ENPEP: variants seen among roughly 807,000 people sequenced by gnomAD.
ENPEP encodes AP-A.
ENPEP carries 103 observed loss-of-function variants against 114.5 expected under a neutral mutation model. The observed-to-expected ratio is 0.90, with a 90% CI of 0.77 to 1.06. The LOEUF is 1.06. ENPEP is among the 50% of genes least tolerant of loss of function. ENPEP has a pLI of 0.00. For missense variants in ENPEP, 1,196 were observed against 1,161.3 expected (o/e 1.03, Z -0.43); for synonymous variants, 420 against 422.0 (o/e 1.00, Z 0.06).
At chr4:110,521,147 T>G (rs1373709232) in intron 10 of ENPEP, among the ~76,000 whole-genome samples, 1 of 152,118 alleles carries the variant, frequency 6.6e-6, no homozygotes, top group Non-Finnish European at 1.5e-5. Flanking sequence ...CAGAGAAACT[T>G]ACTTCAAAAA....
intron 8 of ENPEP, 77 bp downstream of exon 8, chr4:110,515,519 TA>T: frequency 8.6e-7 from 1 of 1,160,212 alleles, no homozygotes. Flanking sequence ...GATATGTGAT[TA>T]ATCAAGGATA....
At chr4:110,510,504 C>G (rs1725534612) in intron 6 of ENPEP, 146 bp downstream of exon 6, 1 of 634,768 alleles carries the variant, frequency 1.6e-6, no homozygotes, top group South Asian at 2.0e-5. Flanking sequence ...GTGGAGCCAG[C>G]TGACTTCCAC....
At chr4:110,486,181 T>C (rs1213339781) in intron 1 of ENPEP, among the ~76,000 whole-genome samples, 2 of 152,232 alleles carry the variant, frequency 1.3e-5, no homozygotes, top group Non-Finnish European at 2.9e-5. Flanking sequence ...TTTTAAAAAA[T>C]CAGAGTAAGG....
At chr4:110,482,566 T>G (rs781386619) in intron 1 of ENPEP, among the ~76,000 whole-genome samples, 1 of 151,966 alleles carries the variant, frequency 6.6e-6, no homozygotes, top group South Asian at 2.1e-4. Context: ...TGTGTGTGTG[T>G]AATGTATTCT....
chr4:110,488,106 G>A (rs1724568267), intron 1 of ENPEP, among the ~76,000 whole-genome samples: 1 of 152,184 alleles, frequency 6.6e-6, no homozygotes. Flanking sequence ...GAAGACAGCT[G>A]TTCACTTCCC....
At position 110,493,016 on chromosome 4, in the gene ENPEP, C is replaced by T. The variant is rs142481523; in HGVS notation, c.918+1852C>T. ...GCAATTGTACTAAAGATGACAAAGT[C>T]TCATAGGTAAGAACAATGCATTTAA... On this transcript the variant is annotated intron_variant, in intron 3 of 19. Transcript: ENST00000265162. Among the ~76,000 whole-genome samples, 281 of 152,270 alleles carry T rather than the reference C, an allele frequency of 1.8e-3. 1 individual carries two copies. The highest frequency in any genetic ancestry group is 6.5e-3 in the African/African-American group (270 of 41,556).
intron 1 of ENPEP, among the ~76,000 whole-genome samples, chr4:110,482,288 C>A (rs1578389136): frequency 1.3e-5 from 2 of 152,274 alleles, no homozygotes; most frequent in South Asian, 2.1e-4. Context: ...TTGACGATTG[C>A]TTGACTATGA....
chr4:110,484,466 G>A (rs1724427351), intron 1 of ENPEP, among the ~76,000 whole-genome samples: 1 of 151,964 alleles, frequency 6.6e-6, no homozygotes, highest in African/African-American at 2.4e-5. Context: ...TCGGGTTGAT[G>A]AATGTCACTG....
intron 3 of ENPEP, among the ~76,000 whole-genome samples, chr4:110,492,258 A>T (rs1159387647): frequency 2.0e-5 from 3 of 152,236 alleles, no homozygotes; most frequent in African/African-American, 7.2e-5. Context: ...TAATAAATTT[A>T]GGCTATTTAT....
chr4:110,497,453 TA>T (rs934043845), intron 3 of ENPEP, among the ~76,000 whole-genome samples: 11 of 152,106 alleles, frequency 7.2e-5, no homozygotes, highest in African/African-American at 2.7e-4. Flanking sequence ...AACAAAATAA[TA>T]AAAATAATGT....
chr4:110,490,430 T>C (rs185752784), intron 2 of ENPEP, among the ~76,000 whole-genome samples: 1 of 152,190 alleles, frequency 6.6e-6, no homozygotes, highest in Non-Finnish European at 1.5e-5. Flanking sequence ...CAAGTATTCG[T>C]GGTTGAAGTG....
chr4:110,490,023 A>G (rs1321493523), intron 2 of ENPEP, among the ~76,000 whole-genome samples: 1 of 152,222 alleles, frequency 6.6e-6, no homozygotes, highest in East Asian at 1.9e-4. Context: ...TGGAGAAGAA[A>G]GAGGAAAGGA....
intron 11 of ENPEP, among the ~76,000 whole-genome samples, chr4:110,536,523 T>C (rs1726633947): frequency 6.6e-6 from 1 of 152,200 alleles, no homozygotes; most frequent in East Asian, 1.9e-4. Context: ...AATCATGTCC[T>C]GCAAGGAAGG....
At chr4:110,557,410 G>A (rs1481954978) in intron 18 of ENPEP, among the ~76,000 whole-genome samples, 1 of 152,206 alleles carries the variant, frequency 6.6e-6, no homozygotes, top group Non-Finnish European at 1.5e-5. Context: ...ATGGCTTGGA[G>A]GAGTCAGGTA....
intron 3 of ENPEP, among the ~76,000 whole-genome samples, chr4:110,497,719 T>C (rs1724996037): frequency 6.6e-6 from 1 of 152,120 alleles, no homozygotes; most frequent in Admixed American, 6.5e-5. Flanking sequence ...AAAAAGGTGT[T>C]TTTTCACCTA....
Position 110,563,384 on chromosome 4 carries a change from A to G in ENPEP, c.*1826A>G, listed in dbSNP as rs1329346293. ...TCCTTTTGTTGTTCTATTTCATTCT[A>G]TTTTAAGCATTAAAACTGAGAACAA... On this transcript the variant is annotated 3_prime_UTR_variant, in exon 20 of 20. Transcript: ENST00000265162. The G allele has an allele frequency of 6.6e-6, 1 of 152,142 alleles. No individual in the cohort carries two copies. Among genetic ancestry groups the G allele is most frequent in the Non-Finnish European group, 1.5e-5 (1 of 67,988 alleles). 9.4% of individuals were successfully genotyped at this position (152,142 alleles called of 1,614,324 possible).
At chr4:110,477,140 T>C (rs535773897) in intron 1 of ENPEP, 82 bp downstream of exon 1, 1 of 1,490,956 alleles carries the variant, frequency 6.7e-7, no homozygotes, top group East Asian at 2.3e-5. Context: ...CACTTTCCGC[T>C]TTTAATTATT....
At position 110,513,530 on chromosome 4, in the gene ENPEP, A is replaced by T; in HGVS notation, c.1424A>T (p.Asp475Val). 1 of 1,613,178 alleles carries T rather than the reference A, an allele frequency of 6.2e-7. No homozygotes were observed. Among genetic ancestry groups the T allele is most frequent in the Non-Finnish European group, 8.5e-7 (1 of 1,179,470 alleles). ...TTPDEITSVF[D>V]GISYSKGSSI... ...CCTGATGAAATAACATCTGTTTTTGATGGAATATCCTATAGCAAGGTGGGA... is the reference window on the plus strand; with the variant it reads ...CCTGATGAAATAACATCTGTTTTTGTTGGAATATCCTATAGCAAGGTGGGA... Residue 475 changes from aspartate (D) to valine (V), a missense_variant, in exon 7 of 20, where the codon GAT (aspartate) becomes GTT (valine). Physicochemically the swap from Asp to Val is radical, Grantham distance 152. Coordinates refer to ENST00000265162, the MANE Select transcript of ENPEP (RefSeq NM_001977.4).
rs776005918 is a variant in ENPEP, at chr4:110,476,841, C to A, written c.427C>A (p.Arg143=). ...GCACCTCCGGGAGACCAGGATCACC[C>A]GGCTCCCGGAGCTGAAGAGGCCCTC... ...WLHLRETRIT[R]LPELKRPSGD... The change falls in exon 1 of 20, where the codon CGG becomes AGG. Residue 143 remains arginine, a synonymous_variant. Transcript: ENST00000265162. The A allele has an allele frequency of 6.2e-7, 1 of 1,614,144 alleles. No homozygotes were observed. Among genetic ancestry groups the A allele is most frequent in the African/African-American group, 1.3e-5 (1 of 75,058 alleles).
Sources: allele counts gnomAD v4.1 joint callset (sites outside exome capture counted in the v4.1 genomes callset), GRCh38; gene constraint gnomAD v4.1.1; transcripts MANE v1.5; gene names NCBI Gene and HGNC (gene_info 2026-07-23, HGNC 2026-07-21).